The following CCDC13 variants were observed in gnomAD, a reference collection of about 807,000 sequenced individuals.
The protein encoded by CCDC13 is coiled-coil domain containing 13, also known as coiled-coil domain-containing protein 13.
In CCDC13, 70 loss-of-function variants were observed where a neutral mutation model predicts 87.3. That is an observed-to-expected ratio of 0.80 (90% CI 0.66 to 0.98). The LOEUF is 0.98. CCDC13 is among the 50% of genes least tolerant of loss of function. CCDC13 has a pLI of 0.00. For synonymous variants in CCDC13, 317 were observed against 360.3 expected, an observed-to-expected ratio of 0.88 and a Z score of 1.36; for missense variants, 842 against 892.0, an observed-to-expected ratio of 0.94 and a Z score of 0.71.
At chr3:42,705,596 A>G (rs1158155672), downstream of CCDC13, among the ~76,000 whole-genome samples, 2 of 152,092 alleles carry the variant, frequency 1.3e-5, no homozygotes, top group Non-Finnish European at 2.9e-5. Flanking sequence ...CCGCCAGGGC[A>G]CCTGCACCCT....
chr3:42,769,509 C>G (rs915760410), intron 1 of CCDC13, among the ~76,000 whole-genome samples: 2 of 152,266 alleles, frequency 1.3e-5, no homozygotes, highest in African/African-American at 4.8e-5. Context: ...CACACAAAAA[C>G]CTGCACATGA....
intron 1 of CCDC13, among the ~76,000 whole-genome samples, chr3:42,772,614 C>A (rs368252742): frequency 6.6e-6 from 1 of 152,136 alleles, no homozygotes; most frequent in East Asian, 1.9e-4. Flanking sequence ...CCCACGGATG[C>A]CTAGTTTGGC....
At chr3:42,759,216 G>A (rs1388342614) in intron 1 of CCDC13, among the ~76,000 whole-genome samples, 4 of 151,872 alleles carry the variant, frequency 2.6e-5, no homozygotes, top group African/African-American at 9.7e-5. Context: ...GGCTGAGGTG[G>A]CAAGATCGCT....
Position 42,746,018 on chromosome 3 carries a change from T to C in CCDC13, c.730A>G (p.Arg244Gly), listed in dbSNP as rs1207501193. Residue 244 changes from arginine to glycine, a missense_variant, in exon 7 of 16, where the codon AGA (arginine) becomes GGA (glycine). Coordinates refer to ENST00000310232, the MANE Select transcript of CCDC13 (RefSeq NM_144719.4). ...ELRMAQKVLA[R>G]EVGEDINVQQ... ...ACGTTGATGTCTTCCCCAACCTCTC[T>C]GGCCAAAACCTGAAATAAGGCAGGG... 5 of 1,614,086 alleles carry C rather than the reference T, an allele frequency of 3.1e-6. No individual in the cohort carries two copies. Among genetic ancestry groups the C allele is most frequent in the Non-Finnish European group, 4.2e-6 (5 of 1,179,954 alleles).
rs1303305735 is a variant in CCDC13, at chr3:42,707,274, C to T, written c.*1706G>A. On this transcript the variant is annotated 3_prime_UTR_variant, in exon 16 of 16. Coordinates refer to ENST00000310232, the MANE Select transcript of CCDC13 (RefSeq NM_144719.4). ...CACACTGTCCCCTCCAAGCACAGAC[C>T]CTCTCTCTCCTGGCTCTCTGCCTGG... Among the ~76,000 whole-genome samples the T allele has an allele frequency of 6.6e-6, 1 of 152,160 alleles. No individual in the cohort carries two copies. Among genetic ancestry groups the T allele is most frequent in the Non-Finnish European group, 1.5e-5 (1 of 68,018 alleles).
At chr3:42,746,904 G>T in intron 6 of CCDC13, 1 of 400,160 alleles carries the variant, frequency 2.5e-6, no homozygotes, top group East Asian at 5.8e-5. Flanking sequence ...GTGACATTAA[G>T]GGGAGACCCA....
intron 7 of CCDC13, among the ~76,000 whole-genome samples, chr3:42,744,398 T>C (rs1699329096): frequency 6.6e-6 from 1 of 152,186 alleles, no homozygotes; most frequent in Non-Finnish European, 1.5e-5. Flanking sequence ...CACAATTCGC[T>C]AGGCTCCCTG....
chr3:42,772,478 C>T (rs554125194), intron 1 of CCDC13, among the ~76,000 whole-genome samples: 30 of 152,180 alleles, frequency 2.0e-4, no homozygotes, highest in African/African-American at 7.2e-4. Flanking sequence ...CCCCTTGCCC[C>T]ATCGGCCTGC....
intron 1 of CCDC13, among the ~76,000 whole-genome samples, chr3:42,769,106 CCA>C (rs1559666632): frequency 2.6e-5 from 4 of 151,924 alleles, no homozygotes; most frequent in African/African-American, 9.7e-5. Context: ...CCATTGCACT[CCA>C]GTCTGGGCAA....
chr3:42,770,056 A>G (rs1197413885), intron 1 of CCDC13, among the ~76,000 whole-genome samples: 1 of 152,240 alleles, frequency 6.6e-6, no homozygotes, highest in African/African-American at 2.4e-5. Context: ...GTGCGGGCAC[A>G]CAGCGGGACT....
intron 13 of CCDC13, among the ~76,000 whole-genome samples, chr3:42,725,803 A>C (rs534338300): frequency 4.7e-4 from 71 of 152,306 alleles, no homozygotes; most frequent in African/African-American, 1.7e-3. Flanking sequence ...TCATCACCTA[A>C]GAACTCCTAC....
intron 1 of CCDC13, chr3:42,770,591 G>C (rs908753288): frequency 2.6e-5 from 4 of 152,284 alleles, no homozygotes; most frequent in African/African-American, 9.6e-5. Flanking sequence ...GGCTGCCCCA[G>C]GCAGCAGTGG....
rs893103417 is a variant in CCDC13, at chr3:42,732,977, A to G, written c.1512-7T>C. On this transcript the variant is annotated splice_polypyrimidine_tract_variant and splice_region_variant and intron_variant, in intron 11 of 15. Coordinates refer to ENST00000310232, the MANE Select transcript of CCDC13 (RefSeq NM_144719.4). ...GCCCAGGCTGGTCACAGAGCTGTGTAAAGGCGGAAGGGGCCCATCAGCCTG... is the reference window on the plus strand; with the variant it reads ...GCCCAGGCTGGTCACAGAGCTGTGTGAAGGCGGAAGGGGCCCATCAGCCTG... 3 of 1,551,382 alleles carry G rather than the reference A, an allele frequency of 1.9e-6. No individual in the cohort carries two copies. Among genetic ancestry groups the G allele is most frequent in the African/African-American group, 2.7e-5 (2 of 73,074 alleles).
intron 13 of CCDC13, among the ~76,000 whole-genome samples, chr3:42,718,380 C>A (rs1230120616): frequency 1.3e-5 from 2 of 152,134 alleles, no homozygotes; most frequent in Non-Finnish European, 2.9e-5. Context: ...ATAACCCACC[C>A]CTTGTTTAGC....
At chr3:42,767,865 C>G (rs946780007) in intron 1 of CCDC13, among the ~76,000 whole-genome samples, 1 of 151,670 alleles carries the variant, frequency 6.6e-6, no homozygotes, top group African/African-American at 2.4e-5. Context: ...TCCCAGCTAC[C>G]TGGGAGGCTG....
chr3:42,757,464 G>T (rs1437240947), intron 2 of CCDC13, among the ~76,000 whole-genome samples: 1 of 152,238 alleles, frequency 6.6e-6, no homozygotes, highest in Non-Finnish European at 1.5e-5. Flanking sequence ...TGGGTGTGGT[G>T]GCTCATGCCT....
intron 10 of CCDC13, among the ~76,000 whole-genome samples, chr3:42,734,948 C>T (rs577259498): frequency 2.0e-4 from 31 of 152,256 alleles, no homozygotes; most frequent in Non-Finnish European, 4.3e-4. Flanking sequence ...TGTGCTTGCT[C>T]CAGTGCCAGG....
chr3:42,750,614 T>C (rs1283178946), intron 5 of CCDC13, among the ~76,000 whole-genome samples: 2 of 152,168 alleles, frequency 1.3e-5, no homozygotes, highest in Admixed American at 1.3e-4. Context: ...ATTACAGGCG[T>C]TCGCCACCAT....
chr3:42,712,414 A>T (rs1232012730), intron 14 of CCDC13, among the ~76,000 whole-genome samples: 1 of 152,146 alleles, frequency 6.6e-6, no homozygotes, highest in Non-Finnish European at 1.5e-5. Flanking sequence ...GCCCCACAGG[A>T]TGCTGATGCT....
Sources: allele counts gnomAD v4.1 joint callset (sites outside exome capture counted in the v4.1 genomes callset), GRCh38; gene constraint gnomAD v4.1.1; transcripts MANE v1.5; gene names NCBI Gene and HGNC (gene_info 2026-07-23, HGNC 2026-07-21).